Variants in SLC4A1AP observed in about 807,000 individuals in gnomAD.
SLC4A1AP encodes the protein solute carrier family 4 member 1 adaptor protein.
A neutral mutation model predicts 89.7 loss-of-function variants in SLC4A1AP; 64 were observed. The ratio of observed to expected loss-of-function variants is 0.71; its 90% CI spans 0.58 to 0.88. The LOEUF is 0.88. Ranked by LOEUF, SLC4A1AP falls within the 40% of genes least tolerant of loss-of-function variation. SLC4A1AP has a pLI of 0.00. For missense variants in SLC4A1AP, 931 were observed against 965.0 expected, an observed-to-expected ratio of 0.96 and a Z score of 0.47; for synonymous variants, 366 against 353.3, an observed-to-expected ratio of 1.04 and a Z score of -0.40.
chr2:27,669,468 G>A, intron 5 of SLC4A1AP, 81 bp downstream of exon 5: 1 of 1,316,032 alleles, frequency 7.6e-7, no homozygotes. Context: ...TCTTTATGGG[G>A]GGAAAATGTA....
rs1558504597 is a variant in SLC4A1AP, at chr2:27,665,368, T to A, written c.1021+73T>A. The A allele has an allele frequency of 1.4e-5, 18 of 1,307,064 alleles. 1 individual carries two copies. The highest frequency in any genetic ancestry group is 4.9e-5 in the Admixed American group (2 of 40,762). 81.0% of individuals were successfully genotyped at this position (1,307,064 alleles called of 1,614,324 possible). On this transcript the variant is annotated intron_variant, in intron 2 of 13. Coordinates refer to ENST00000613058, the Ensembl canonical transcript of SLC4A1AP. The stretch of plus-strand genomic sequence containing the variant: ...CAAGTGGTACCCTTAAATGTTTTTT[T>A]AAATCATACAGCTTTTCATGGCTCC...
chr2:27,692,341 T>C (rs962695145), intron 12 of SLC4A1AP: 1 of 152,250 alleles, frequency 6.6e-6, no homozygotes, highest in African/African-American at 2.4e-5. Context: ...TCTAGTTTTA[T>C]TCGACTGTGG....
At chr2:27,668,618 T>C in intron 3 of SLC4A1AP, 1 of 677,206 alleles carries the variant, frequency 1.5e-6, no homozygotes, top group Non-Finnish European at 2.7e-6. Context: ...CCCGGCTAAT[T>C]TCTGTATTTT....
chr2:27,692,005 G>A (rs1223280386), intron 12 of SLC4A1AP: 6 of 151,876 alleles, frequency 4.0e-5, no homozygotes, highest in African/African-American at 1.5e-4. Flanking sequence ...TAGAGATGAG[G>A]TCTTGCTATG....
chr2:27,679,823 G>A (rs1017932541), intron 8 of SLC4A1AP, among the ~76,000 whole-genome samples: 1 of 152,112 alleles, frequency 6.6e-6, no homozygotes, highest in African/African-American at 2.4e-5. Context: ...TGTTTAGGTC[G>A]GGTTCCCTAA....
At chr2:27,679,862 A>G (rs1009694427) in intron 8 of SLC4A1AP, among the ~76,000 whole-genome samples, 35 of 152,142 alleles carry the variant, frequency 2.3e-4, no homozygotes, top group African/African-American at 8.4e-4. Context: ...ATTCATCTGC[A>G]AGTGATTTAT....
chr2:27,678,720 C>T (rs1675563591), intron 8 of SLC4A1AP, among the ~76,000 whole-genome samples: 1 of 139,224 alleles, frequency 7.2e-6, no homozygotes, highest in African/African-American at 2.6e-5. Flanking sequence ...AACCTAATAC[C>T]TTTTTTTTTT....
intron 9 of SLC4A1AP, among the ~76,000 whole-genome samples, chr2:27,684,392 C>G (rs1457067240): frequency 6.7e-6 from 1 of 149,302 alleles, no homozygotes; most frequent in Admixed American, 6.7e-5. Context: ...CGCACCACTG[C>G]ACTCCAGCTT....
chr2:27,670,366 TTTTA>T (rs1558505882), intron 5 of SLC4A1AP, among the ~76,000 whole-genome samples: 1 of 152,130 alleles, frequency 6.6e-6, no homozygotes, highest in Non-Finnish European at 1.5e-5. Flanking sequence ...GCTTTTTTTT[TTTTA>T]AAGTCTGAGT....
At chr2:27,672,440 G>T (rs1165400720) in intron 5 of SLC4A1AP, among the ~76,000 whole-genome samples, 7 of 151,778 alleles carry the variant, frequency 4.6e-5, no homozygotes, top group Admixed American at 4.6e-4. Context: ...AGTCTTTCAT[G>T]CCAGAGAAGG....
At chr2:27,678,483 T>C (rs1463906510) in intron 8 of SLC4A1AP, among the ~76,000 whole-genome samples, 1 of 151,826 alleles carries the variant, frequency 6.6e-6, no homozygotes, top group Non-Finnish European at 1.5e-5. Context: ...CAGTGAGCTG[T>C]GATCGTGCCA....
chr2:27,666,372 ACC>A lies in SLC4A1AP; in HGVS notation c.1022-893_1022-892del, dbSNP rs1675323435. Among the ~76,000 whole-genome samples, 4 of 3,386 alleles carry A rather than the reference ACC, an allele frequency of 1.2e-3. 1 individual carries two copies. 2.2% of individuals were successfully genotyped at this position (3,386 alleles called of 152,430 possible). A position where few individuals can be genotyped will look rare whatever the true frequency, so the allele number is the denominator to read the frequency against. On this transcript the variant is annotated intron_variant, in intron 2 of 13. Transcript: ENST00000613058. ...GATCCACCCCCCACCCCCCCCCCCC[ACC>A]CCGCCCCCCGGCCTCCCAAAGTGTA...
rs927712617 is a variant in SLC4A1AP at position 27,688,548 on chromosome 2, T to C, written c.2204-152T>C. On this transcript the variant is annotated intron_variant, in intron 11 of 13. Coordinates refer to ENST00000613058, the Ensembl canonical transcript of SLC4A1AP. ...ATCCAGGAAAAATTTTCTCTTGATA[T>C]AGTTTTTACAGCAGTAGAAGGAATT... 2.4e-5 allele frequency: 14 copies of C among 577,990 alleles called. No individual in the cohort carries two copies. The Admixed American group carries it at 2.5e-4, about 10-fold the overall frequency. The allele number at this position is 577,990 out of a possible 1,614,324, so 35.8% of individuals were successfully genotyped here.
intron 5 of SLC4A1AP, among the ~76,000 whole-genome samples, chr2:27,673,405 TCCC>T (rs1675460234): frequency 4.2e-4 from 2 of 4,792 alleles, no homozygotes; most frequent in Non-Finnish European, 1.1e-3. Flanking sequence ...TTACTTTCCC[TCCC>T]TCCCTCCCTC....
chr2:27,694,506 T>C, intron 13 of SLC4A1AP, 128 bp from the exon 14 acceptor site: 1 of 544,066 alleles, frequency 1.8e-6, no homozygotes, highest in Non-Finnish European at 3.0e-6. Flanking sequence ...ATACAAAAAG[T>C]AAAATTTCTA....
At chr2:27,683,163 C>T (rs370451330) in intron 9 of SLC4A1AP, among the ~76,000 whole-genome samples, 11 of 152,174 alleles carry the variant, frequency 7.2e-5, no homozygotes, top group Admixed American at 2.6e-4. Context: ...ATCACACCAG[C>T]GTTATGTAAC....
intron 12 of SLC4A1AP, among the ~76,000 whole-genome samples, chr2:27,689,043 C>T (rs970877147): frequency 1.3e-5 from 2 of 152,070 alleles, no homozygotes; most frequent in Admixed American, 1.3e-4. Context: ...ATAACATATT[C>T]TTATTTTCCT....
At chr2:27,668,697 G>A (rs1429138219) in intron 3 of SLC4A1AP, 146 bp from the exon 4 acceptor site, 3 of 766,184 alleles carry the variant, frequency 3.9e-6, no homozygotes, top group Non-Finnish European at 6.9e-6. Flanking sequence ...CTGTCATCCC[G>A]CCTCAGCCTC....
At chr2:27,665,642 A>G (rs1355311073) in intron 2 of SLC4A1AP, among the ~76,000 whole-genome samples, 1 of 152,226 alleles carries the variant, frequency 6.6e-6, no homozygotes, top group African/African-American at 2.4e-5. Context: ...ATGGAACTCT[A>G]TTCAATCAAA....
Sources: gnomAD v4.1 joint callset for allele counts (sites outside exome capture counted in the v4.1 genomes callset) on GRCh38, gnomAD v4.1.1 for gene constraint, MANE v1.5 for transcripts, NCBI Gene and HGNC (gene_info 2026-07-23, HGNC 2026-07-21) for gene names.